INTS6L: variants seen among roughly 807,000 people sequenced by gnomAD.
INTS6L encodes the protein integrator complex subunit 6-like.
A neutral mutation model predicts 64.7 loss-of-function variants in INTS6L; 18 were observed. That is an observed-to-expected ratio of 0.28 (90% confidence interval 0.19 to 0.41). The LOEUF (loss-of-function observed/expected upper bound fraction) is 0.41. Ranked by LOEUF, INTS6L falls within the 10% of genes least tolerant of loss-of-function variation. The pLI is 1.00. For synonymous variants in INTS6L, 227 were observed against 235.9 expected (o/e 0.96, Z 0.34); for missense variants, 533 against 661.0 (o/e 0.81, Z 2.12).
chrX:135,526,610 C>T (rs782290847), intron 2 of INTS6L, among the ~76,000 whole-genome samples: 65 of 111,985 alleles, frequency 5.8e-4, no homozygotes, highest in Non-Finnish European at 9.4e-5. Context: ...TAACAACTTC[C>T]TCTGTGATCC....
chrX:135,546,391 A>T lies in INTS6L; in HGVS notation c.351A>T (p.Pro117=). 2 of 1,147,949 alleles carry T rather than the reference A, an allele frequency of 1.7e-6. No homozygotes were observed. The highest frequency in any genetic ancestry group is 1.2e-6 in the Non-Finnish European group (1 of 865,649). 94.6% of individuals were successfully genotyped at this position (1,147,949 alleles called of 1,213,427 possible). A position where few individuals can be genotyped will look rare whatever the true frequency, so the allele number is the denominator to read the frequency against. Residue 117 remains proline (P), a synonymous_variant, in exon 4 of 18, where the codon CCA becomes CCT. Coordinates refer to ENST00000639893, the MANE Select transcript of INTS6L (RefSeq NM_001351601.3). ...GIDNYGQGRN[P]FFLEPSILIT... The stretch of plus-strand genomic sequence containing the variant: ...TAAATGTATTTTAGGGGAGAAATCC[A>T]TTTTTTTTAGAACCATCTATTTTAA...
At position 135,552,004 on chromosome X, in the gene INTS6L, C is replaced by T. The variant is rs782820315; in HGVS notation, c.917C>T (p.Thr306Ile). Residue 306 changes from threonine (T) to isoleucine (I), a missense_variant, in exon 8 of 18, where the codon ACA becomes ATA. Physicochemically the swap from Thr to Ile is moderately conservative, Grantham distance 89 (BLOSUM62 -1). Coordinates refer to ENST00000639893, the MANE Select transcript of INTS6L (RefSeq NM_001351601.3). ...DQNLPSLPPR[T>I]SHPVVRFSCV... ...AAAAATTTTTTTTAGCCTCCACGAACATCTCATCCTGTTGTGAGGTTCTCC... is the reference window on the plus strand; with the variant it reads ...AAAAATTTTTTTTAGCCTCCACGAATATCTCATCCTGTTGTGAGGTTCTCC... 4.3e-6 allele frequency: 5 copies of T among 1,161,591 alleles called. No homozygotes were observed. In the East Asian group the frequency reaches 1.5e-4, roughly 36 times the overall value.
At chrX:135,568,932 C>T (rs977363127) in intron 9 of INTS6L, among the ~76,000 whole-genome samples, 3 of 111,784 alleles carry the variant, frequency 2.7e-5, no homozygotes, top group Non-Finnish European at 3.8e-5. Flanking sequence ...AGTCTCTTAC[C>T]TTGACCTTTC....
chrX:135,570,235 C>T, intron 10 of INTS6L: 1 of 323,419 alleles, frequency 3.1e-6, no homozygotes, highest in Non-Finnish European at 5.4e-6. Context: ...TCTTATCCCA[C>T]TCTCTTCTGA....
chrX:135,581,205 G>A, intron 17 of INTS6L, 62 bp downstream of exon 17: 1 of 869,779 alleles, frequency 1.1e-6, no homozygotes, highest in South Asian at 2.7e-5. Context: ...AGGGCCCAGT[G>A]CAGGAAAAAG....
chrX:135,561,330 T>G (rs1341284537), intron 9 of INTS6L, among the ~76,000 whole-genome samples: 1 of 112,315 alleles, frequency 8.9e-6, no homozygotes, highest in African/African-American at 3.2e-5. Flanking sequence ...TGGATTACAC[T>G]GACTAATTTT....
In INTS6L at chrX:135,521,292, T is replaced by G; in HGVS notation, c.163T>G (p.Tyr55Asp). The G allele has an allele frequency of 8.3e-7, 1 of 1,206,566 alleles. No homozygotes were observed. Among genetic ancestry groups the G allele is most frequent in the Non-Finnish European group, 1.1e-6 (1 of 893,122 alleles). ...SRGDRYMLVT[Y>D]DEPPYCIKAG... ...TGGAGACAGGTACATGCTGGTCACC[T>G]ACGACGAACCCCCGTACTGCATCAA... Residue 55 changes from tyrosine to aspartate, a missense_variant, in exon 2 of 18, where the codon TAC becomes GAC. Tyr to Asp is a radical substitution (Grantham distance 160). Transcript: ENST00000639893.
intron 3 of INTS6L, among the ~76,000 whole-genome samples, chrX:135,545,775 G>A (rs1486040888): frequency 8.9e-6 from 1 of 111,846 alleles, no homozygotes; most frequent in African/African-American, 3.3e-5. Flanking sequence ...AGCTAAAATT[G>A]TCTACCATGA....
At chrX:135,539,389 G>A (rs1556511415) in intron 2 of INTS6L, among the ~76,000 whole-genome samples, 1 of 111,915 alleles carries the variant, frequency 8.9e-6, no homozygotes, top group African/African-American at 3.3e-5. Context: ...CCTTCATAGA[G>A]TTGAAGATTC....
chrX:135,556,188 A>G lies in INTS6L; in HGVS notation c.1080A>G (p.Gly360=), dbSNP rs782409922. The G allele has an allele frequency of 1.6e-5, 19 of 1,190,244 alleles. No homozygotes were observed. In the South Asian group the frequency reaches 3.1e-4, roughly 19 times the overall value. The change falls in exon 9 of 18, where the codon GGA becomes GGG. Residue 360 remains glycine (G), a synonymous_variant. Coordinates refer to ENST00000639893, the MANE Select transcript of INTS6L (RefSeq NM_001351601.3). ...CTCAGGTATTTGTTACTAGCAGTGGAAAGTACAATGAACTTGGATATCCAT... is the reference window on the plus strand; with the variant it reads ...CTCAGGTATTTGTTACTAGCAGTGGGAAGTACAATGAACTTGGATATCCAT... ...TCWQVFVTSS[G]KYNELGYPFG... is the part of the protein sequence containing the mutation.
rs1437852196 is a variant in INTS6L at position 135,579,690 on chromosome X, T to C, written c.2120-98T>C. The C allele has an allele frequency of 4.7e-6, 5 of 1,068,947 alleles. No individual in the cohort carries two copies. The African/African-American group carries it at 9.4e-5, about 20-fold the overall frequency. The allele number at this position is 1,068,947 out of a possible 1,213,427, so 88.1% of individuals were successfully genotyped here. A position where few individuals can be genotyped will look rare whatever the true frequency, so the allele number is the denominator to read the frequency against. ...CCACCTGGTATATCATCCTGCTTTA[T>C]GAGATAATTTCCTAGAAATTGAGCA... On this transcript the variant is annotated intron_variant, in intron 15 of 17. Coordinates refer to ENST00000639893, the MANE Select transcript of INTS6L (RefSeq NM_001351601.3).
chrX:135,577,871 G>A (rs1439426632), intron 15 of INTS6L, among the ~76,000 whole-genome samples: 1 of 111,634 alleles, frequency 9.0e-6, no homozygotes, highest in African/African-American at 3.3e-5. Flanking sequence ...ACCTATGCAT[G>A]CTCTAATCCG....
chrX:135,521,700 G>A (rs1390588910), intron 2 of INTS6L, among the ~76,000 whole-genome samples: 1 of 109,122 alleles, frequency 9.2e-6, no homozygotes, highest in African/African-American at 3.3e-5. Context: ...CCCGAAACCC[G>A]GAGGGAGGCT....
rs2085539022 is a variant in INTS6L at position 135,521,267 on chromosome X, T to G, written c.138T>G (p.Arg46=). Residue 46 remains arginine, a synonymous_variant, in exon 2 of 18, where the codon CGT becomes CGG. Coordinates refer to ENST00000639893, the MANE Select transcript of INTS6L (RefSeq NM_001351601.3). ...TGCGCGCCCGGGACCCGGCCAGCCG[T>G]GGAGACAGGTACATGCTGGTCACCT... ...LKLRARDPAS[R]GDRYMLVTYD... is the part of the protein sequence containing the mutation. 8.3e-7 allele frequency: 1 copy of G among 1,208,208 alleles called. No individual in the cohort carries two copies. Among genetic ancestry groups the G allele is most frequent in the Non-Finnish European group, 1.1e-6 (1 of 893,950 alleles).
chrX:135,546,573 A>G, intron 4 of INTS6L, 104 bp downstream of exon 4: 3 of 996,305 alleles, frequency 3.0e-6, no homozygotes, highest in Non-Finnish European at 4.1e-6. Flanking sequence ...CAAATCATCC[A>G]TCTTGGTAAT....
At chrX:135,552,855 A>G (rs1344695048) in intron 8 of INTS6L, among the ~76,000 whole-genome samples, 1 of 112,428 alleles carries the variant, frequency 8.9e-6, no homozygotes, top group African/African-American at 3.2e-5. Context: ...CTATTTCTAA[A>G]CTGTAGAGAT....
chrX:135,559,926 A>G (rs1054031037), intron 9 of INTS6L, among the ~76,000 whole-genome samples: 1 of 112,120 alleles, frequency 8.9e-6, no homozygotes, highest in Non-Finnish European at 1.9e-5. Context: ...TGCTGATGTG[A>G]TGATGTGCCA....
intron 2 of INTS6L, among the ~76,000 whole-genome samples, chrX:135,533,266 T>C (rs1262992861): frequency 8.9e-6 from 1 of 111,972 alleles, no homozygotes; most frequent in Non-Finnish European, 1.9e-5. Context: ...ATCAATACTT[T>C]GGAAGAGTGA....
chrX:135,576,327 CAA>C (rs34207940), intron 14 of INTS6L, among the ~76,000 whole-genome samples: 3 of 69,395 alleles, frequency 4.3e-5, no homozygotes, highest in Admixed American at 1.8e-4. Flanking sequence ...GACTCCATCT[CAA>C]AAAAAAAAAA....
Sources: allele counts gnomAD v4.1 joint callset (sites outside exome capture counted in the v4.1 genomes callset), GRCh38; gene constraint gnomAD v4.1.1; transcripts MANE v1.5; gene names NCBI Gene and HGNC (gene_info 2026-07-23, HGNC 2026-07-21).